JAZF1: variants seen among roughly 807,000 people sequenced by gnomAD.
The protein encoded by JAZF1 is juxtaposed with another zinc finger protein 1.
JAZF1 carries 8 observed loss-of-function variants against 26.4 expected under a neutral mutation model. The ratio of observed to expected loss-of-function variants is 0.30; its 90% CI spans 0.18 to 0.55. JAZF1 has a LOEUF of 0.55. JAZF1 is among the 20% of genes least tolerant of loss of function. JAZF1 has a pLI of 0.94. For synonymous variants in JAZF1, 126 were observed against 122.3 expected (o/e 1.03, Z -0.20); for missense variants, 199 against 322.0 (o/e 0.62, Z 2.92).
intron 1 of JAZF1, among the ~76,000 whole-genome samples, chr7:28,025,386 C>T (rs1783077942): frequency 1.3e-5 from 2 of 152,168 alleles, no homozygotes; most frequent in Non-Finnish European, 2.9e-5. Flanking sequence ...TAAATCCTTA[C>T]AACCACCACC....
At chr7:27,951,730 T>G (rs1785010907) in intron 2 of JAZF1, among the ~76,000 whole-genome samples, 1 of 152,196 alleles carries the variant, frequency 6.6e-6, no homozygotes, top group Non-Finnish European at 1.5e-5. Context: ...CCCACACTAT[T>G]GGAACAAGAC....
chr7:28,065,276 A>G (rs1265440287), intron 1 of JAZF1, among the ~76,000 whole-genome samples: 1 of 152,138 alleles, frequency 6.6e-6, no homozygotes. Flanking sequence ...GACAAATGTA[A>G]GCAGAGTGAA....
At chr7:28,059,720 T>C (rs565464823) in intron 1 of JAZF1, among the ~76,000 whole-genome samples, 89 of 152,336 alleles carry the variant, frequency 5.8e-4, no homozygotes, top group African/African-American at 2.1e-3. Context: ...ATCCTCATTT[T>C]TGAAAGACAG....
chr7:28,078,087 CTG>C (rs1784082446), intron 1 of JAZF1, among the ~76,000 whole-genome samples: 2 of 152,084 alleles, frequency 1.3e-5, no homozygotes, highest in Non-Finnish European at 2.9e-5. Flanking sequence ...TCACAAGATG[CTG>C]TGTTAGATGA....
chr7:28,093,983 C>T (rs1562584868), intron 1 of JAZF1, among the ~76,000 whole-genome samples: 1 of 152,196 alleles, frequency 6.6e-6, no homozygotes, highest in Admixed American at 6.5e-5. Context: ...TATATTCATT[C>T]GCAAAGCTTG....
At chr7:28,047,057 T>C (rs1783508622) in intron 1 of JAZF1, among the ~76,000 whole-genome samples, 1 of 152,160 alleles carries the variant, frequency 6.6e-6, no homozygotes, top group Non-Finnish European at 1.5e-5. Flanking sequence ...TATTTTCTTC[T>C]AGAATTTTAT....
chr7:28,005,505 T>C (rs763923765), intron 1 of JAZF1, among the ~76,000 whole-genome samples: 13 of 151,862 alleles, frequency 8.6e-5, no homozygotes, highest in Non-Finnish European at 1.3e-4. Flanking sequence ...CAAATGTAAG[T>C]GCACATAGGT....
intron 1 of JAZF1, among the ~76,000 whole-genome samples, chr7:28,079,882 T>C (rs1256801980): frequency 2.0e-5 from 3 of 152,282 alleles, no homozygotes; most frequent in Middle Eastern, 3.4e-3. Flanking sequence ...AACTCAGAGA[T>C]ACTGCTGGTC....
chr7:27,979,187 C>A (rs561532362), intron 2 of JAZF1, among the ~76,000 whole-genome samples: 1 of 151,728 alleles, frequency 6.6e-6, no homozygotes, highest in African/African-American at 2.4e-5. Context: ...TGAAAAGAAT[C>A]GAGTATAAAA....
chr7:28,047,529 G>T (rs531549812), intron 1 of JAZF1, among the ~76,000 whole-genome samples: 2 of 152,100 alleles, frequency 1.3e-5, no homozygotes, highest in East Asian at 3.9e-4. Flanking sequence ...TCTCATAGAC[G>T]TTTTTTGTTA....
At chr7:27,873,096 A>T (rs988032029) in intron 3 of JAZF1, among the ~76,000 whole-genome samples, 1 of 152,212 alleles carries the variant, frequency 6.6e-6, no homozygotes, top group Non-Finnish European at 1.5e-5. Flanking sequence ...TTTGTGCGTT[A>T]TGCATGACAG....
chr7:27,859,970 G>A (rs952200303), intron 3 of JAZF1, among the ~76,000 whole-genome samples: 2 of 152,204 alleles, frequency 1.3e-5, no homozygotes, highest in Admixed American at 6.5e-5. Flanking sequence ...AGTGCTCAGC[G>A]AGCCTGCCAC....
chr7:27,888,560 A>G (rs1783911640), intron 3 of JAZF1, among the ~76,000 whole-genome samples: 1 of 152,196 alleles, frequency 6.6e-6, no homozygotes, highest in African/African-American at 2.4e-5. Flanking sequence ...TGTATTGCAG[A>G]GAAATGTCCA....
At chr7:27,893,244 C>G (rs1784002845) in intron 3 of JAZF1, among the ~76,000 whole-genome samples, 1 of 152,226 alleles carries the variant, frequency 6.6e-6, no homozygotes, top group Non-Finnish European at 1.5e-5. Flanking sequence ...TTTTCCCCAA[C>G]TAGTATTTTG....
intron 1 of JAZF1, among the ~76,000 whole-genome samples, chr7:28,051,177 G>GTT (rs201644492): frequency 1.9e-4 from 19 of 101,168 alleles, no homozygotes; most frequent in African/African-American, 5.8e-4. Context: ...TACTATAACT[G>GTT]TTTTTTTTTA....
intron 1 of JAZF1, among the ~76,000 whole-genome samples, chr7:28,139,868 A>AGGAG (rs1215542885): frequency 6.6e-6 from 1 of 152,142 alleles, no homozygotes; most frequent in Non-Finnish European, 1.5e-5. Flanking sequence ...AGAGCAGGGT[A>AGGAG]GGAGGTAACA....
At chr7:28,139,001 T>C (rs1782925346) in intron 1 of JAZF1, among the ~76,000 whole-genome samples, 1 of 122,322 alleles carries the variant, frequency 8.2e-6, no homozygotes, top group Non-Finnish European at 2.0e-5. Flanking sequence ...AAGGTAGACC[T>C]GAAGTGGAGG....
intron 3 of JAZF1, among the ~76,000 whole-genome samples, chr7:27,853,221 C>T (rs929076731): frequency 6.6e-6 from 1 of 152,158 alleles, no homozygotes; most frequent in African/African-American, 2.4e-5. Flanking sequence ...CTGCACCTTC[C>T]CTCCTCCCAG....
intron 1 of JAZF1, among the ~76,000 whole-genome samples, chr7:28,111,602 T>C (rs925424473): frequency 1.3e-5 from 2 of 152,368 alleles, no homozygotes; most frequent in South Asian, 2.1e-4. Context: ...ATAAAATCTA[T>C]GCTATTCATC....
Sources: gnomAD v4.1 joint callset for allele counts (sites outside exome capture counted in the v4.1 genomes callset) on GRCh38, gnomAD v4.1.1 for gene constraint, MANE v1.5 for transcripts, NCBI Gene and HGNC (gene_info 2026-07-23, HGNC 2026-07-21) for gene names.